The following DNAJC2 variants were observed in gnomAD, a reference collection of about 807,000 sequenced individuals.
The protein encoded by DNAJC2 is dnaJ homolog subfamily C member 2.
A neutral mutation model predicts 94.0 loss-of-function variants in DNAJC2; 32 were observed. That is an observed-to-expected ratio of 0.34 (90% CI 0.26 to 0.46). DNAJC2 has a LOEUF of 0.46. DNAJC2 is among the 20% of genes least tolerant of loss of function. The pLI is 1.00. For missense variants in DNAJC2, 550 were observed against 719.5 expected (o/e 0.76, Z 2.69); for synonymous variants, 210 against 229.7 (o/e 0.91, Z 0.77).
intron 15 of DNAJC2, chr7:103,314,579 A>G: frequency 1.0e-6 from 1 of 985,338 alleles, no homozygotes; most frequent in Non-Finnish European, 1.2e-6. Flanking sequence ...TTGTGGAGAT[A>G]AAGGTGCAGG....
rs763919535 is a variant in DNAJC2 at position 103,344,564 on chromosome 7, G to A, written c.59C>T (p.Thr20Ile). Residue 20 changes from threonine to isoleucine, a missense_variant, in exon 1 of 17, where the codon ACC becomes ATC. Coordinates refer to ENST00000379263, the MANE Select transcript of DNAJC2 (RefSeq NM_014377.3). ...GAGGTTGGGTGGGCACTTACCAGAG[G>A]TCAGAGCGTGGGTGATGGCGGTGCC... ...GRGTAITHALTSASTLCQVEP... is the reference protein window; with the variant it reads ...GRGTAITHALISASTLCQVEP... The A allele has an allele frequency of 1.2e-6, 2 of 1,613,724 alleles. No individual in the cohort carries two copies. The highest frequency in any genetic ancestry group is 1.3e-5 in the African/African-American group (1 of 75,060).
chr7:103,312,812 A>G lies in DNAJC2; in HGVS notation c.1791+135T>C. 3 of 1,516,538 alleles carry G rather than the reference A, an allele frequency of 2.0e-6. No individual in the cohort carries two copies. In the South Asian group the frequency reaches 4.1e-5, roughly 21 times the overall value. 93.9% of individuals were successfully genotyped at this position (1,516,538 alleles called of 1,614,324 possible). ...TTCTAAGGTTGCTCATTTCTTCCTC[A>G]TAATATTGACCCCATAACTACTGGT... On this transcript the variant is annotated intron_variant, in intron 16 of 16. Transcript: ENST00000379263.
chr7:103,323,918 T>C (rs1818561961), intron 6 of DNAJC2, among the ~76,000 whole-genome samples: 1 of 152,206 alleles, frequency 6.6e-6, no homozygotes, highest in South Asian at 2.1e-4. Context: ...CAAGACCTAT[T>C]TTTAAGTTTT....
intron 10 of DNAJC2, among the ~76,000 whole-genome samples, chr7:103,320,298 C>T (rs550834164): frequency 6.1e-4 from 92 of 151,904 alleles, no homozygotes; most frequent in African/African-American, 2.1e-3. Context: ...CCATTTTGGC[C>T]AGGCTGGTCT....
chr7:103,332,472 C>T (rs912123749), intron 3 of DNAJC2, among the ~76,000 whole-genome samples: 2 of 152,074 alleles, frequency 1.3e-5, no homozygotes, highest in African/African-American at 2.4e-5. Context: ...TATGATTAAC[C>T]GATTCTCCAA....
At chr7:103,342,341 T>C (rs1327243435) in intron 1 of DNAJC2, among the ~76,000 whole-genome samples, 1 of 152,066 alleles carries the variant, frequency 6.6e-6, no homozygotes, top group African/African-American at 2.4e-5. Context: ...GTTTTGCTCT[T>C]ACTGCCCAGG....
At chr7:103,334,594 T>C (rs987402964) in intron 3 of DNAJC2, among the ~76,000 whole-genome samples, 32 of 145,362 alleles carry the variant, frequency 2.2e-4, no homozygotes, top group Admixed American at 5.5e-4. Flanking sequence ...AGAAAAGAAA[T>C]CTTGAAAAAA....
intron 3 of DNAJC2, chr7:103,335,555 T>C (rs1424688761): frequency 1.3e-5 from 2 of 151,264 alleles, no homozygotes; most frequent in East Asian, 3.9e-4. Context: ...TTTTTTTTAA[T>C]GAGACAGAGT....
At chr7:103,337,446 T>A in intron 3 of DNAJC2, 1 of 270,708 alleles carries the variant, frequency 3.7e-6, no homozygotes, top group Non-Finnish European at 6.9e-6. Context: ...TAAAGAGAGG[T>A]GAAGTATTAT....
intron 6 of DNAJC2, 55 bp downstream of exon 6, chr7:103,324,427 G>A: frequency 7.2e-7 from 1 of 1,382,442 alleles, no homozygotes; most frequent in Non-Finnish European, 9.7e-7. Context: ...AGTACTTATT[G>A]AATACTTTTC....
At chr7:103,320,726 A>T (rs985983515) in intron 10 of DNAJC2, 4 of 142,028 alleles carry the variant, frequency 2.8e-5, no homozygotes, top group African/African-American at 1.0e-4. Context: ...CCTGGGCGAC[A>T]GAGCAAGACT....
chr7:103,316,549 A>C (rs1034749), intron 13 of DNAJC2: 335,279 of 339,994 alleles, frequency 0.99, 165,404 homozygotes, highest in African/African-American at 1. Context: ...TAATCCCTAG[A>C]ACAAGCCATG....
chr7:103,323,945 G>T (rs968913133), intron 6 of DNAJC2, among the ~76,000 whole-genome samples: 1 of 152,046 alleles, frequency 6.6e-6, no homozygotes, highest in Non-Finnish European at 1.5e-5. Flanking sequence ...CTTCAATTTC[G>T]CTAGTCTGTC....
intron 12 of DNAJC2, 128 bp from the exon 13 acceptor site, chr7:103,317,142 A>C: frequency 1.3e-6 from 1 of 790,694 alleles, no homozygotes; most frequent in Non-Finnish European, 2.0e-6. Flanking sequence ...TACTCCTCTC[A>C]GGCCAACCCA....
At chr7:103,325,514 C>T (rs1818659670) in intron 5 of DNAJC2, among the ~76,000 whole-genome samples, 1 of 151,408 alleles carries the variant, frequency 6.6e-6, no homozygotes, top group Non-Finnish European at 1.5e-5. Context: ...TACTAGGTGG[C>T]GCCAAACCGC....
rs567909024 is a variant in DNAJC2 at position 103,312,469 on chromosome 7, C to T, written c.*100G>A. On this transcript the variant is annotated 3_prime_UTR_variant, in exon 17 of 17. Transcript: ENST00000379263. ...GTTCTCTGAGAAATTATGTTGGAAGCAGCATACTTTCAAATTATTACCATG... is the reference window on the plus strand; with the variant it reads ...GTTCTCTGAGAAATTATGTTGGAAGTAGCATACTTTCAAATTATTACCATG... 3.6e-5 allele frequency: 56 copies of T among 1,545,250 alleles called. No individual in the cohort carries two copies. In the South Asian group the frequency reaches 6.8e-4, roughly 19 times the overall value.
At position 103,344,592 on chromosome 7, in the gene DNAJC2, G is replaced by T. The variant is rs768268863; in HGVS notation, c.31C>A (p.Arg11=). Residue 11 remains arginine, a synonymous_variant, in exon 1 of 17, where the codon CGG becomes AGG. Transcript: ENST00000379263. MLLLPSAADG[R]GTAITHALTS... ...AGAGCGTGGGTGATGGCGGTGCCCC[G>T]GCCGTCCGCGGCGCTTGGCAGAAGC... The T allele has an allele frequency of 5.6e-6, 9 of 1,612,916 alleles. No individual in the cohort carries two copies. The South Asian group carries it at 9.9e-5, about 18-fold the overall frequency.
At chr7:103,333,066 A>G (rs1487228967) in intron 3 of DNAJC2, among the ~76,000 whole-genome samples, 1 of 151,092 alleles carries the variant, frequency 6.6e-6, no homozygotes, top group Non-Finnish European at 1.5e-5. Context: ...CTGAAAAGCC[A>G]AAATCCTCCA....
chr7:103,314,268 C>T, intron 15 of DNAJC2: 6 of 985,376 alleles, frequency 6.1e-6, no homozygotes, highest in Non-Finnish European at 7.2e-6. Context: ...CCAGTTACTT[C>T]ACAATACCAA....
Sources: gnomAD v4.1 joint callset for allele counts (sites outside exome capture counted in the v4.1 genomes callset) on GRCh38, gnomAD v4.1.1 for gene constraint, MANE v1.5 for transcripts, NCBI Gene and HGNC (gene_info 2026-07-23, HGNC 2026-07-21) for gene names.